ALMS1: variants seen among roughly 807,000 people sequenced by gnomAD.
ALMS1 encodes centrosome-associated protein ALMS1.
In ALMS1, 271 loss-of-function variants were observed where a neutral mutation model predicts 352.2. The ratio of observed to expected loss-of-function variants is 0.77; its 90% CI spans 0.70 to 0.85. The LOEUF (loss-of-function observed/expected upper bound fraction) is 0.85, where lower values mean the gene tolerates loss of function less well. Among genes scored for constraint, ALMS1 ranks in the 40% least tolerant of loss-of-function variants. The probability of loss-of-function intolerance (pLI) is 0.00; values close to 1 mark genes in which losing one functional copy is unlikely to be tolerated. For synonymous variants in ALMS1, 1,865 were observed against 1,761.2 expected (o/e 1.06, Z -1.48); for missense variants, 5,445 against 4,870.7 (o/e 1.12, Z -3.51).
At chr2:73,519,649 C>G in intron 10 of ALMS1, 126 bp from the exon 11 acceptor site, 1 of 1,232,668 alleles carries the variant, frequency 8.1e-7, no homozygotes, top group Non-Finnish European at 1.1e-6. Context: ...TAACGTTTGA[C>G]ATTGATGTGT....
intron 11 of ALMS1, among the ~76,000 whole-genome samples, chr2:73,532,401 T>G (rs761051771): frequency 2.0e-5 from 3 of 152,014 alleles, no homozygotes; most frequent in Non-Finnish European, 4.4e-5. Flanking sequence ...GTCAGAAACC[T>G]TAGTGCTTTA....
At chr2:73,498,005 A>C (rs1365738201) in intron 10 of ALMS1, among the ~76,000 whole-genome samples, 1 of 152,198 alleles carries the variant, frequency 6.6e-6, no homozygotes, top group African/African-American at 2.4e-5. Flanking sequence ...AAAGCCGATC[A>C]CATGAATTTT....
intron 8 of ALMS1, chr2:73,454,520 T>C (rs1257754231): frequency 3.8e-6 from 1 of 260,206 alleles, no homozygotes; most frequent in Non-Finnish European, 6.0e-6. Context: ...ATATTTTCTC[T>C]TTCCCTTTTC....
chr2:73,530,776 C>T (rs889393635), intron 11 of ALMS1, among the ~76,000 whole-genome samples: 1 of 152,220 alleles, frequency 6.6e-6, no homozygotes, highest in African/African-American at 2.4e-5. Flanking sequence ...TAGGTGGAGG[C>T]TCCCAAAGTT....
chr2:73,550,708 T>TC (rs1372643331), intron 13 of ALMS1, among the ~76,000 whole-genome samples: 1 of 152,268 alleles, frequency 6.6e-6, no homozygotes, highest in East Asian at 1.9e-4. Context: ...TAATACCCAA[T>TC]CAAGTATGTT....
Position 73,420,214 on chromosome 2 carries a change from G to A in ALMS1, c.646+896G>A, listed in dbSNP as rs532789513. On this transcript the variant is annotated intron_variant, in intron 3 of 22. Coordinates refer to ENST00000613296, the MANE Select transcript of ALMS1 (RefSeq NM_001378454.1). ...ACAAATATCTAAGTGCCTCCTATGT[G>A]TTTGATGCTAGGGGTATATAGATGA... 9.9e-5 allele frequency among the ~76,000 whole-genome samples: 15 copies of A among 152,238 alleles called. No homozygotes were observed. In the South Asian group the frequency reaches 2.5e-3, roughly 25 times the overall value.
intron 9 of ALMS1, among the ~76,000 whole-genome samples, chr2:73,462,186 A>G (rs1475029008): frequency 6.6e-6 from 1 of 152,156 alleles, no homozygotes; most frequent in African/African-American, 2.4e-5. Context: ...GAAGGAAAAA[A>G]TGTTAAGGAC....
chr2:73,421,769 A>G (rs1381516224), intron 3 of ALMS1, among the ~76,000 whole-genome samples: 1 of 152,128 alleles, frequency 6.6e-6, no homozygotes, highest in Admixed American at 6.6e-5. Context: ...TGTTTTGACT[A>G]AGTAAAGGAC....
intron 7 of ALMS1, among the ~76,000 whole-genome samples, chr2:73,439,272 T>C (rs935414553): frequency 3.3e-5 from 5 of 151,898 alleles, no homozygotes; most frequent in African/African-American, 1.2e-4. Flanking sequence ...CACACTAATA[T>C]GCCCAGCTAA....
chr2:73,573,757 T>C lies in ALMS1; in HGVS notation c.11547+333T>C, dbSNP rs1181150485. Among the ~76,000 whole-genome samples the C allele has an allele frequency of 2.6e-5, 4 of 151,022 alleles. No individual in the cohort carries two copies. The East Asian group carries it at 7.8e-4, about 29-fold the overall frequency. ...TGCTGGGTTTATGTTTATTTGGGTT[T>C]TTTTTTTTTAATTCATTCCTCTCTG... On this transcript the variant is annotated intron_variant, in intron 16 of 22. Transcript: ENST00000613296.
Position 73,451,242 on chromosome 2 carries a change from C to T in ALMS1, c.4715C>T (p.Ser1572Leu). Residue 1572 changes from serine (S) to leucine (L), a missense_variant, in exon 8 of 23, where the codon TCA (serine) becomes TTA (leucine). Coordinates refer to ENST00000613296, the MANE Select transcript of ALMS1 (RefSeq NM_001378454.1). ...CCAACCATAACCTCTACTTCCTACT[C>T]ATTTGGAGAGAAGCCGATTGTTAAC... Reference protein sequence around the residue: ...GIPTITSTSYSFGEKPIVNYK... With the variant: ...GIPTITSTSYLFGEKPIVNYK... 6.2e-7 allele frequency: 1 copy of T among 1,613,914 alleles called. No homozygotes were observed. Among genetic ancestry groups the T allele is most frequent in the African/African-American group, 1.3e-5 (1 of 74,946 alleles).
intron 16 of ALMS1, among the ~76,000 whole-genome samples, chr2:73,590,386 T>C (rs1675402947): frequency 6.6e-6 from 1 of 152,206 alleles, no homozygotes; most frequent in Admixed American, 6.5e-5. Context: ...AAATTAATTG[T>C]ACGTTAGACA....
At position 73,454,453 on chromosome 2, in the gene ALMS1, G is replaced by A. The variant is rs181489603; in HGVS notation, c.7540+386G>A. ...CCATTATAGTATCCTTATTCTGAAG[G>A]CAGAAAGAGCCTCCAATTTGCTGTG... is the stretch of plus-strand genomic sequence containing the variant. On this transcript the variant is annotated intron_variant, in intron 8 of 22. Coordinates refer to ENST00000613296, the MANE Select transcript of ALMS1 (RefSeq NM_001378454.1). The A allele has an allele frequency of 9.8e-5, 83 of 850,448 alleles. No individual in the cohort carries two copies. In the Admixed American group the frequency reaches 1.2e-3, roughly 12 times the overall value. The allele number at this position is 850,448 out of a possible 1,614,324, so 52.7% of individuals were successfully genotyped here.
intron 12 of ALMS1, among the ~76,000 whole-genome samples, chr2:73,538,947 C>A (rs1674096568): frequency 6.6e-6 from 1 of 152,192 alleles, no homozygotes; most frequent in African/African-American, 2.4e-5. Context: ...CTGTAGACTC[C>A]ACCTCTGGGG....
intron 9 of ALMS1, among the ~76,000 whole-genome samples, chr2:73,467,265 T>A (rs1293091321): frequency 2.0e-5 from 3 of 152,102 alleles, no homozygotes; most frequent in African/African-American, 7.2e-5. Context: ...ATTCAGAATA[T>A]ATAAGGAAGT....
rs1247367857 is a variant in ALMS1, at chr2:73,448,981, T to C, written c.2454T>C (p.Leu818=). The C allele has an allele frequency of 6.2e-7, 1 of 1,613,904 alleles. No individual in the cohort carries two copies. The highest frequency in any genetic ancestry group is 2.2e-5 in the East Asian group (1 of 44,860). ...SSAYSHREKL[L]VFYQQALLDS... ...CATACTCACACAGAGAGAAGCTCCT[T>C]GTTTTCTACCAACAGGCCTTGCTGG... Residue 818 remains leucine, a synonymous_variant, in exon 8 of 23, where the codon CTT becomes CTC. Coordinates refer to ENST00000613296, the MANE Select transcript of ALMS1 (RefSeq NM_001378454.1).
chr2:73,413,539 C>G (rs991806149), intron 2 of ALMS1, among the ~76,000 whole-genome samples: 1 of 152,182 alleles, frequency 6.6e-6, no homozygotes, highest in African/African-American at 2.4e-5. Context: ...CCTCTTCCCA[C>G]TAGATACCAG....
At chr2:73,444,969 GA>G (rs1286128449) in intron 7 of ALMS1, among the ~76,000 whole-genome samples, 2 of 151,900 alleles carry the variant, frequency 1.3e-5, no homozygotes, top group African/African-American at 4.8e-5. Flanking sequence ...TAGAAAGCAA[GA>G]ATAACAACAA....
chr2:73,543,586 A>T (rs998993547), intron 12 of ALMS1, among the ~76,000 whole-genome samples: 1 of 152,248 alleles, frequency 6.6e-6, no homozygotes, highest in South Asian at 2.1e-4. Context: ...GGCAACCTAC[A>T]GAATGGGAGA....
Sources: gnomAD v4.1 joint callset for allele counts (sites outside exome capture counted in the v4.1 genomes callset) on GRCh38, gnomAD v4.1.1 for gene constraint, MANE v1.5 for transcripts, NCBI Gene and HGNC (gene_info 2026-07-23, HGNC 2026-07-21) for gene names.